ST7: variants seen among roughly 807,000 people sequenced by gnomAD.
The protein encoded by ST7 is suppressor of tumorigenicity 7 protein.
ST7 carries 28 observed loss-of-function variants against 78.7 expected under a neutral mutation model. That is an observed-to-expected ratio of 0.36 (90% CI 0.26 to 0.49). ST7 has a LOEUF of 0.49. Among genes scored for constraint, ST7 ranks in the 20% least tolerant of loss-of-function variants. The probability of loss-of-function intolerance (pLI) is 0.99; values close to 1 mark genes in which losing one functional copy is unlikely to be tolerated. For missense variants in ST7, 418 were observed against 696.0 expected, an observed-to-expected ratio of 0.60 and a Z score of 4.49; for synonymous variants, 247 against 249.6, an observed-to-expected ratio of 0.99 and a Z score of 0.10.
chr7:117,023,003 A>C (rs1342088732), intron 1 of ST7: 1 of 152,186 alleles, frequency 6.6e-6, no homozygotes, highest in East Asian at 1.9e-4. Context: ...TGAAAAGGTA[A>C]CCACTATTCT....
chr7:117,208,910 T>TGG (rs1792039448), intron 12 of ST7, among the ~76,000 whole-genome samples: 1 of 34,082 alleles, frequency 2.9e-5, no homozygotes, highest in Non-Finnish European at 8.3e-5. Context: ...TGGGTGTGTG[T>TGG]GTGTGTGTGT....
At chr7:117,153,733 T>A (rs1181862466) in intron 9 of ST7, among the ~76,000 whole-genome samples, 1 of 152,214 alleles carries the variant, frequency 6.6e-6, no homozygotes, top group Non-Finnish European at 1.5e-5. Context: ...TGGTTGGCAA[T>A]TTGGCAAAAG....
chr7:117,016,033 A>G (rs1795598956), intron 1 of ST7, among the ~76,000 whole-genome samples: 1 of 152,182 alleles, frequency 6.6e-6, no homozygotes, highest in African/African-American at 2.4e-5. Context: ...TGCTCATTTA[A>G]AATATAGCTT....
chr7:116,985,863 C>T (rs935221735), intron 1 of ST7, among the ~76,000 whole-genome samples: 1 of 152,204 alleles, frequency 6.6e-6, no homozygotes, highest in African/African-American at 2.4e-5. Context: ...GACAGAGTCT[C>T]GCTCTGTTGC....
rs542365415 is a variant in ST7, at chr7:116,979,755, G to A, written c.151+26064G>A. Among the ~76,000 whole-genome samples the A allele has an allele frequency of 1.2e-4, 18 of 151,906 alleles. No homozygotes were observed. In the South Asian group the frequency reaches 3.7e-3, roughly 32 times the overall value. ...GGATATTGCTTGCAAATTCTTTAAT[G>A]TCTTTCTATTGCCTAGCAAATGAAA... On this transcript the variant is annotated intron_variant, in intron 1 of 15. Transcript: ENST00000323984.
At chr7:116,983,768 A>G (rs1253565214) in intron 1 of ST7, among the ~76,000 whole-genome samples, 1 of 152,088 alleles carries the variant, frequency 6.6e-6, no homozygotes, top group African/African-American at 2.4e-5. Context: ...CTTTAGAACT[A>G]TGTAGGAAGG....
At chr7:117,104,547 A>G (rs1372958340) in intron 2 of ST7, among the ~76,000 whole-genome samples, 1 of 152,252 alleles carries the variant, frequency 6.6e-6, no homozygotes, top group East Asian at 1.9e-4. Context: ...TACAGCCACT[A>G]TGGAAAACGG....
At chr7:117,031,087 A>T (rs538992951) in intron 1 of ST7, among the ~76,000 whole-genome samples, 2 of 152,108 alleles carry the variant, frequency 1.3e-5, no homozygotes, top group Non-Finnish European at 2.9e-5. Flanking sequence ...AACACAGGAA[A>T]AGAAAACCAA....
At position 117,020,536 on chromosome 7, in the gene ST7, C is replaced by T. The variant is rs1795840288; in HGVS notation, c.151+66845C>T. The T allele has an allele frequency of 9.1e-6, 14 of 1,536,386 alleles. No individual in the cohort carries two copies. In the South Asian group the frequency reaches 1.2e-4, roughly 13 times the overall value. Reference sequence around the variant, plus strand: ...CTCTTCACTCTCACATGTACACTCTCCTCGCTTTTCTTTCTTTTTTTTTTC... The same window carrying T: ...CTCTTCACTCTCACATGTACACTCTTCTCGCTTTTCTTTCTTTTTTTTTTC... On this transcript the variant is annotated intron_variant, in intron 1 of 15. Transcript: ENST00000323984.
At chr7:117,062,869 T>A (rs1173840623) in intron 1 of ST7, among the ~76,000 whole-genome samples, 1 of 152,244 alleles carries the variant, frequency 6.6e-6, no homozygotes, top group African/African-American at 2.4e-5. Context: ...GGGTTAATTC[T>A]GCCATTTTAG....
chr7:117,138,793 C>T (rs764042190), intron 9 of ST7, among the ~76,000 whole-genome samples: 3 of 152,110 alleles, frequency 2.0e-5, no homozygotes, highest in African/African-American at 4.8e-5. Flanking sequence ...AGAATTTTTT[C>T]GAGGACTAAA....
chr7:117,097,560 G>A (rs753670374), intron 1 of ST7, among the ~76,000 whole-genome samples: 12 of 151,584 alleles, frequency 7.9e-5, no homozygotes, highest in Admixed American at 2.6e-4. Context: ...CTGACCTCAG[G>A]TGATCCACCC....
At chr7:117,228,673 A>G (rs1034948446) in intron 15 of ST7, among the ~76,000 whole-genome samples, 2 of 152,194 alleles carry the variant, frequency 1.3e-5, no homozygotes, top group African/African-American at 4.8e-5. Context: ...ACATTTACCT[A>G]GTAAAGGAGC....
intron 1 of ST7, chr7:116,958,656 G>C (rs1372935175): frequency 6.4e-6 from 3 of 471,050 alleles, no homozygotes; most frequent in Non-Finnish European, 8.8e-6. Context: ...TGGAGATATT[G>C]CAAGTTTGGT....
At chr7:117,140,582 A>G (rs1419400986) in intron 9 of ST7, among the ~76,000 whole-genome samples, 2 of 151,864 alleles carry the variant, frequency 1.3e-5, no homozygotes, top group African/African-American at 2.4e-5. Context: ...CGATATTTCT[A>G]ATTTATTTTT....
At chr7:117,111,007 C>G in intron 2 of ST7, among the ~76,000 whole-genome samples, 1 of 152,180 alleles carries the variant, frequency 6.6e-6, no homozygotes, top group Non-Finnish European at 1.5e-5. Flanking sequence ...AGGTCTCTCT[C>G]AAAATGCTGG....
Position 117,131,953 on chromosome 7 carries a change from A to T in ST7, c.634A>T (p.Ile212Leu), listed in dbSNP as rs1804392665. 6.2e-7 allele frequency: 1 copy of T among 1,611,116 alleles called. No homozygotes were observed. The highest frequency in any genetic ancestry group is 8.5e-7 in the Non-Finnish European group (1 of 1,178,090). The change falls in exon 6 of 16, where the codon ATA (isoleucine) becomes TTA (leucine). Residue 212 changes from isoleucine (I) to leucine (L), a missense_variant. By Grantham distance (5) the Ile-to-Leu change is conservative. This residue lies in a region of ST7 where 288 missense variants were observed against 537.1 expected (regional missense o/e 0.54). Coordinates refer to ENST00000323984, the MANE Select transcript of ST7 (RefSeq NM_001369598.1). ...RISAAHEALE[I>L]NEIRSRVEVP... ...TTCTGCAGCTCATGAAGCCTTGGAG[A>T]TAAATGAGTAAGTGGGGGAAAATCT...
chr7:117,226,439 A>T (rs1455377506), intron 15 of ST7, among the ~76,000 whole-genome samples: 7 of 152,164 alleles, frequency 4.6e-5, no homozygotes, highest in Non-Finnish European at 8.8e-5. Flanking sequence ...GGTGTTGCTC[A>T]TTCAGACTTA....
At chr7:117,152,184 TATATATATA>T (rs1406441509) in intron 9 of ST7, among the ~76,000 whole-genome samples, 13 of 68,198 alleles carry the variant, frequency 1.9e-4, no homozygotes, top group African/African-American at 6.3e-4. Context: ...AAACTATATA[TATATATATA>T]TATATATATA....
Sources: gnomAD v4.1 joint callset for allele counts (sites outside exome capture counted in the v4.1 genomes callset) on GRCh38, gnomAD v4.1.1 for gene constraint, gnomAD v4.1.1 regional missense constraint, MANE v1.5 for transcripts, NCBI Gene and HGNC (gene_info 2026-07-23, HGNC 2026-07-21) for gene names.